Variants in CUX1 observed in about 807,000 individuals in gnomAD.
The protein encoded by CUX1 is cut like homeobox 1.
A neutral mutation model predicts 158.8 loss-of-function variants in CUX1; 31 were observed. That is an observed-to-expected ratio of 0.20 (90% CI 0.15 to 0.26). The LOEUF (loss-of-function observed/expected upper bound fraction) is 0.26. Among genes scored for constraint, CUX1 ranks in the 10% least tolerant of loss-of-function variants. CUX1 has a pLI of 1.00. For missense variants in CUX1, 1,589 were observed against 2,014.6 expected, an observed-to-expected ratio of 0.79 and a Z score of 4.04; for synonymous variants, 879 against 862.1, an observed-to-expected ratio of 1.02 and a Z score of -0.34.
At position 102,253,578 on chromosome 7, in the gene CUX1, G is replaced by A. The variant is rs1801752574; in HGVS notation, c.*4536G>A. On this transcript the variant is annotated 3_prime_UTR_variant, in exon 24 of 24. Transcript: ENST00000292535. ...TTTTCATTCCTCTGATTTTAGCAAA[G>A]CAAATCTTACTGAAAAATAGCAGAG... 4 of 985,322 alleles carry A rather than the reference G, an allele frequency of 4.1e-6. No homozygotes were observed. The highest frequency in any genetic ancestry group is 4.8e-6 in the Non-Finnish European group (4 of 829,948). 61.0% of individuals were successfully genotyped at this position (985,322 alleles called of 1,614,324 possible). A position where few individuals can be genotyped will look rare whatever the true frequency, so the allele number is the denominator to read the frequency against.
chr7:101,948,504 G>A (rs1808657323), intron 2 of CUX1, among the ~76,000 whole-genome samples: 1 of 152,162 alleles, frequency 6.6e-6, no homozygotes, highest in Admixed American at 6.6e-5. Flanking sequence ...CTGCTTTGTA[G>A]ATTTCCAGTG....
At chr7:101,912,803 G>C (rs1030263392) in intron 1 of CUX1, among the ~76,000 whole-genome samples, 2 of 152,180 alleles carry the variant, frequency 1.3e-5, no homozygotes, top group Non-Finnish European at 2.9e-5. Context: ...TAAACCGACA[G>C]GGTATTGCTG....
chr7:102,248,929 C>G lies in CUX1; in HGVS notation c.4405C>G (p.Arg1469Gly). 3 of 1,472,310 alleles carry G rather than the reference C, an allele frequency of 2.0e-6. No individual in the cohort carries two copies. The highest frequency in any genetic ancestry group is 2.7e-6 in the Non-Finnish European group (3 of 1,107,050). 91.2% of individuals were successfully genotyped at this position (1,472,310 alleles called of 1,614,324 possible). ...LFGLPEAAGA[R>G]DSRDNPLRKK... is the part of the protein sequence containing the mutation. ...CGGCCTCCCCGAGGCCGCGGGCGCC[C>G]GGGACTCGCGCGACAACCCCCTGCG... is the stretch of plus-strand genomic sequence containing the variant. Residue 1469 changes from arginine to glycine, a missense_variant, in exon 24 of 24, where the codon CGG becomes GGG. This residue lies in a region of CUX1 where 344 missense variants were observed against 323.7 expected (regional missense o/e 1.06). Coordinates refer to ENST00000292535, the MANE Select transcript of CUX1 (RefSeq NM_181552.4). The surrounding 1 kb of genome is among the most constrained non-coding windows in gnomAD (Gnocchi z 5.8).
intron 2 of CUX1, 83 bp from the exon 3 acceptor site, chr7:102,028,015 C>T: frequency 6.9e-7 from 1 of 1,456,262 alleles, no homozygotes; most frequent in African/African-American, 1.4e-5. Context: ...GACTGCCACG[C>T]TGTTTTTAGG....
At chr7:101,839,110 C>G (rs1039759445) in intron 1 of CUX1, among the ~76,000 whole-genome samples, 10 of 152,198 alleles carry the variant, frequency 6.6e-5, no homozygotes, top group Non-Finnish European at 1.5e-4. Context: ...GAGGGCTTTA[C>G]CCTAGTGACC....
intron 14 of CUX1, chr7:102,264,696 A>G (rs1554544729): frequency 1.3e-5 from 2 of 152,362 alleles, no homozygotes; most frequent in East Asian, 1.9e-4. Flanking sequence ...GGAGGCCACA[A>G]CTGGGGCTGC....
At chr7:101,977,466 C>T (rs548861134) in intron 2 of CUX1, among the ~76,000 whole-genome samples, 1 of 152,226 alleles carries the variant, frequency 6.6e-6, no homozygotes, top group Admixed American at 6.5e-5. Flanking sequence ...TGTAGCAAGA[C>T]CCCATCTCTA....
chr7:102,139,078 G>C (rs1388009359), intron 8 of CUX1, among the ~76,000 whole-genome samples: 2 of 151,542 alleles, frequency 1.3e-5, no homozygotes, highest in African/African-American at 4.9e-5. Context: ...AACCCCATCT[G>C]TACTAAAAAT....
chr7:102,248,910 C>T lies in CUX1; in HGVS notation c.4386C>T (p.Leu1462=). The change falls in exon 24 of 24, where the codon CTC becomes CTT. Residue 1462 remains leucine, a synonymous_variant. Coordinates refer to ENST00000292535, the MANE Select transcript of CUX1 (RefSeq NM_181552.4). This position sits in a 1 kb window ranked among gnomAD's most constrained non-coding sequence, Gnocchi z 5.8. ...GCTCGCTGCAGAGCCTTTTCGGCCT[C>T]CCCGAGGCCGCGGGCGCCCGGGACT... ...RPSSLQSLFG[L]PEAAGARDSR... is the part of the protein sequence containing the mutation. The T allele has an allele frequency of 6.9e-6, 10 of 1,447,858 alleles. No individual in the cohort carries two copies. Among genetic ancestry groups the T allele is most frequent in the Non-Finnish European group, 9.1e-6 (10 of 1,095,372 alleles). 89.7% of individuals were successfully genotyped at this position (1,447,858 alleles called of 1,614,324 possible). A position where few individuals can be genotyped will look rare whatever the true frequency, so the allele number is the denominator to read the frequency against.
rs530984763 is a variant in CUX1 at position 101,881,403 on chromosome 7, T to G, written c.31-34712T>G. Among the ~76,000 whole-genome samples, 4 of 152,332 alleles carry G rather than the reference T, an allele frequency of 2.6e-5. No individual in the cohort carries two copies. The South Asian group carries it at 6.2e-4, about 24-fold the overall frequency. ...AGTTCTTCCAGCATCAAAAGCAGCTTCTTACCTTCCCATTAATTTTCATCG... is the reference window on the plus strand; with the variant it reads ...AGTTCTTCCAGCATCAAAAGCAGCTGCTTACCTTCCCATTAATTTTCATCG... On this transcript the variant is annotated intron_variant, in intron 1 of 23. Transcript: ENST00000292535.
At chr7:101,932,912 T>C (rs1806447908) in intron 2 of CUX1, among the ~76,000 whole-genome samples, 1 of 152,058 alleles carries the variant, frequency 6.6e-6, no homozygotes, top group Non-Finnish European at 1.5e-5. Context: ...TAAGGAGAGG[T>C]GATATTTGTA....
chr7:101,837,261 C>T (rs1272622155), intron 1 of CUX1, among the ~76,000 whole-genome samples: 1 of 152,174 alleles, frequency 6.6e-6, no homozygotes, highest in Non-Finnish European at 1.5e-5. Context: ...TACGTTAGAT[C>T]CCACCAATAA....
intron 22 of CUX1, among the ~76,000 whole-genome samples, chr7:102,238,330 C>T (rs948415999): frequency 1.1e-4 from 17 of 152,200 alleles, no homozygotes; most frequent in African/African-American, 4.1e-4. Context: ...CTGGCGTTAC[C>T]TCTAGACCAA....
intron 20 of CUX1, among the ~76,000 whole-genome samples, chr7:102,210,194 TC>T (rs1427508997): frequency 1.3e-5 from 2 of 152,186 alleles, no homozygotes; most frequent in East Asian, 3.8e-4. Context: ...CCTCCGGGGT[TC>T]AAGTAATTCT....
rs55753644 is a variant in CUX1, at chr7:102,046,569, A to ATTTTTTTTTTT, written c.189+18441_189+18451dup. Among the ~76,000 whole-genome samples, 83 of 55,468 alleles carry ATTTTTTTTTTT rather than the reference A, an allele frequency of 1.5e-3. 8 individuals are homozygous for ATTTTTTTTTTT. The highest frequency in any genetic ancestry group is 4.9e-3 in the African/African-American group (60 of 12,208). 36.4% of individuals were successfully genotyped at this position (55,468 alleles called of 152,430 possible). A position where few individuals can be genotyped will look rare whatever the true frequency, so the allele number is the denominator to read the frequency against. On this transcript the variant is annotated intron_variant, in intron 3 of 23. Transcript: ENST00000292535. ...CCTGTTCTGTTTTGGTTTGGTTTGG[A>ATTTTTTTTTTT]TTTTTTTTTTTTTTTTTTTTTTTTT...
intron 8 of CUX1, among the ~76,000 whole-genome samples, chr7:102,127,232 G>C (rs1832736250): frequency 6.6e-6 from 1 of 152,048 alleles, no homozygotes; most frequent in Admixed American, 6.6e-5. Flanking sequence ...TACGAGATAG[G>C]GTCTCACCCT....
rs1829110250 is a variant in CUX1 at position 102,095,773 on chromosome 7, C to T, written c.269-1591C>T. On this transcript the variant is annotated intron_variant, in intron 4 of 23. Coordinates refer to ENST00000292535, the MANE Select transcript of CUX1 (RefSeq NM_181552.4). ...ATCTCTGCAGCCATCTCACAAGTGA[C>T]ACTGGCGCCCATACCAGAAATATAT... Among the ~76,000 whole-genome samples, 3 of 152,208 alleles carry T rather than the reference C, an allele frequency of 2.0e-5. No homozygotes were observed. In the South Asian group the frequency reaches 6.2e-4, roughly 31 times the overall value.
Position 102,170,498 on chromosome 7 carries a change from C to T in CUX1, c.776C>T (p.Ser259Leu), listed in dbSNP as rs782797697. 16 of 1,593,224 alleles carry T rather than the reference C, an allele frequency of 1.0e-5. No individual in the cohort carries two copies. Among genetic ancestry groups the T allele is most frequent in the Admixed American group, 5.2e-5 (3 of 57,924 alleles). Residue 259 changes from serine (S) to leucine (L), a missense_variant, in exon 10 of 24, where the codon TCG becomes TTG. Ser to Leu is a moderately radical substitution (Grantham distance 145, BLOSUM62 -2). This residue lies in a region of CUX1 where 515 missense variants were observed against 574.4 expected (regional missense o/e 0.90). Transcript: ENST00000292535. Reference protein sequence around the residue: ...EAETLREQLSSANHSLQLASQ... With the variant: ...EAETLREQLSLANHSLQLASQ... ...GAGACCTTAAGGGAACAGCTCTCAT[C>T]GGCCAATCACTCCCTCCAGCTGGCC...
At position 102,257,566 on chromosome 7, in the gene CUX1, G is replaced by A; in HGVS notation, c.*8524G>A. ...CCCTTTGCATTGAATAAGAGACCTAGTTCTTTGCGTTTGTGCAATAACTCT... is the reference window on the plus strand; with the variant it reads ...CCCTTTGCATTGAATAAGAGACCTAATTCTTTGCGTTTGTGCAATAACTCT... On this transcript the variant is annotated 3_prime_UTR_variant, in exon 24 of 24. Transcript: ENST00000292535. 1.0e-6 allele frequency: 1 copy of A among 985,402 alleles called. No homozygotes were observed. The highest frequency in any genetic ancestry group is 1.2e-6 in the Non-Finnish European group (1 of 829,924). The allele number at this position is 985,402 out of a possible 1,614,324, so 61.0% of individuals were successfully genotyped here.
Sources: allele counts gnomAD v4.1 joint callset (sites outside exome capture counted in the v4.1 genomes callset), GRCh38; gene constraint gnomAD v4.1.1; regional missense constraint gnomAD v4.1.1; non-coding constraint Gnocchi (gnomAD v3.1); transcripts MANE v1.5; gene names NCBI Gene and HGNC (gene_info 2026-07-23, HGNC 2026-07-21).